GLRA3: variants seen among roughly 807,000 people sequenced by gnomAD.
The protein encoded by GLRA3 is glycine receptor subunit alpha-3.
In GLRA3, 44 loss-of-function variants were observed where a neutral mutation model predicts 60.4. The ratio of observed to expected loss-of-function variants is 0.73; its 90% CI spans 0.57 to 0.94. The LOEUF is 0.94. Among genes scored for constraint, GLRA3 ranks in the 40% least tolerant of loss-of-function variants. The pLI, the probability that GLRA3 is intolerant of heterozygous loss-of-function variation, is 0.00. For synonymous variants in GLRA3, 223 were observed against 192.9 expected (o/e 1.16, Z -1.29); for missense variants, 508 against 564.6 (o/e 0.90, Z 1.02).
At chr4:174,807,343 A>G (rs1579639830) in intron 1 of GLRA3, among the ~76,000 whole-genome samples, 1 of 152,112 alleles carries the variant, frequency 6.6e-6, no homozygotes. Context: ...TGCAGTGTTC[A>G]TTAAAGGACT....
chr4:174,644,432 T>C (rs12645805), intron 9 of GLRA3, among the ~76,000 whole-genome samples: 36,641 of 151,002 alleles, frequency 0.24, 5,394 homozygotes, highest in East Asian at 0.4. Context: ...TTTTTTTAAA[T>C]GGATAAATGT....
In GLRA3 at chr4:174,682,774, A is replaced by C. The variant is rs754562909; in HGVS notation, c.712+28T>G. 3 of 1,506,108 alleles carry C rather than the reference A, an allele frequency of 2.0e-6. No homozygotes were observed. The South Asian group carries it at 3.6e-5, about 18-fold the overall frequency. 93.3% of individuals were successfully genotyped at this position (1,506,108 alleles called of 1,614,324 possible). Reference sequence around the variant, plus strand: ...GGATATCATAAAACCACAAGTAGTAAGTGTAAAGAACACTACTCAACCCCT... The same window carrying C: ...GGATATCATAAAACCACAAGTAGTACGTGTAAAGAACACTACTCAACCCCT... On this transcript the variant is annotated intron_variant, in intron 6 of 9. Coordinates refer to ENST00000274093, the MANE Select transcript of GLRA3 (RefSeq NM_006529.4).
intron 7 of GLRA3, among the ~76,000 whole-genome samples, chr4:174,665,615 T>G (rs562486663): frequency 3.9e-5 from 6 of 152,274 alleles, no homozygotes; most frequent in African/African-American, 1.4e-4. Context: ...TATCCTAATA[T>G]GTTAACAAAA....
chr4:174,760,815 A>T (rs1038035403), intron 3 of GLRA3, among the ~76,000 whole-genome samples: 4 of 152,230 alleles, frequency 2.6e-5, no homozygotes, highest in Admixed American at 2.6e-4. Context: ...TGAAAACATT[A>T]GAAACAACCT....
intron 2 of GLRA3, among the ~76,000 whole-genome samples, chr4:174,786,731 A>C (rs763543382): frequency 4.6e-5 from 7 of 152,196 alleles, no homozygotes; most frequent in Non-Finnish European, 1.0e-4. Context: ...GTTAGCTAAA[A>C]ACTAATCCAT....
rs149751450 is a variant in GLRA3, at chr4:174,644,919, TAAC to T, written c.1117-858_1117-856del. Among the ~76,000 whole-genome samples the T allele has an allele frequency of 9.8e-3, 1,485 of 152,036 alleles. 17 individuals carry two copies. The highest frequency in any genetic ancestry group is 0.017 in the Middle Eastern group (5 of 294). On this transcript the variant is annotated intron_variant, in intron 9 of 9. Transcript: ENST00000274093. The stretch of plus-strand genomic sequence containing the variant: ...TACTTGAGAGAAATATAATATTTAA[TAAC>T]AATGCAAATTATTAATAATTTACTT...
rs1732531704 is a variant in GLRA3 at position 174,637,741 on chromosome 4, T to C, written c.*6045A>G. ...CTAGTTTTTTTAAATTCATATTACT[T>C]TGTAGAGTTTTATATAATATCTTCA... On this transcript the variant is annotated 3_prime_UTR_variant, in exon 10 of 10. Coordinates refer to ENST00000274093, the MANE Select transcript of GLRA3 (RefSeq NM_006529.4). 6.6e-6 allele frequency: 1 copy of C among 152,178 alleles called. No homozygotes were observed. Among genetic ancestry groups the C allele is most frequent in the African/African-American group, 2.4e-5 (1 of 41,458 alleles). 9.4% of individuals were successfully genotyped at this position (152,178 alleles called of 1,614,324 possible).
intron 9 of GLRA3, 69 bp from the exon 10 acceptor site, chr4:174,644,133 T>C: frequency 2.4e-6 from 2 of 839,828 alleles, no homozygotes; most frequent in East Asian, 2.4e-5. Context: ...CATCTCAGAA[T>C]CATAACCAAT....
chr4:174,728,761 A>G, intron 3 of GLRA3, 63 bp from the exon 4 acceptor site: 1 of 1,037,564 alleles, frequency 9.6e-7, no homozygotes, highest in South Asian at 1.5e-5. Flanking sequence ...TAAAATCCAT[A>G]GTGTCAGTGT....
intron 2 of GLRA3, among the ~76,000 whole-genome samples, chr4:174,786,593 G>A (rs1392848951): frequency 6.6e-6 from 1 of 152,148 alleles, no homozygotes; most frequent in Non-Finnish European, 1.5e-5. Flanking sequence ...ATGGTCAAAA[G>A]ATGATGATGT....
intron 5 of GLRA3, among the ~76,000 whole-genome samples, chr4:174,701,864 G>GTT (rs1313361175): frequency 6.6e-6 from 1 of 152,198 alleles, no homozygotes; most frequent in Admixed American, 6.5e-5. Flanking sequence ...ACAATCTCAT[G>GTT]ATCAAACTTG....
chr4:174,755,697 G>T (rs962876761), intron 3 of GLRA3, among the ~76,000 whole-genome samples: 2 of 151,918 alleles, frequency 1.3e-5, no homozygotes, highest in African/African-American at 4.8e-5. Flanking sequence ...AATATAAAGA[G>T]ATATTATAGA....
At chr4:174,800,853 T>TTTG (rs764669585) in intron 1 of GLRA3, among the ~76,000 whole-genome samples, 29 of 152,130 alleles carry the variant, frequency 1.9e-4, no homozygotes, top group Non-Finnish European at 3.2e-4. Flanking sequence ...CTGCCATTTG[T>TTTG]TTGTTGTTGT....
chr4:174,658,861 G>C (rs1048925515), intron 8 of GLRA3, among the ~76,000 whole-genome samples, 193 bp downstream of exon 8: 1 of 152,158 alleles, frequency 6.6e-6, no homozygotes, highest in Non-Finnish European at 1.5e-5. Flanking sequence ...GTTTAAAGTA[G>C]AGCTAGGTGT....
In GLRA3 at chr4:174,715,508, C is replaced by T. The variant is rs1403000129; in HGVS notation, c.554G>A (p.Cys185Tyr). The T allele has an allele frequency of 1.3e-6, 2 of 1,540,472 alleles. No individual in the cohort carries two copies. ...LKNFPMDVQTCIMQLESFGYT... is the reference protein window; with the variant it reads ...LKNFPMDVQTYIMQLESFGYT... ...CTTACAGCTTTCCAGTTGCATTATA[C>T]ATGTTTGTACATCCATGGGAAAATT... The change falls in exon 5 of 10, where the codon TGT (cysteine) becomes TAT (tyrosine). Residue 185 changes from cysteine to tyrosine, a missense_variant. Cys to Tyr is a radical substitution (Grantham distance 194). Transcript: ENST00000274093.
intron 2 of GLRA3, among the ~76,000 whole-genome samples, chr4:174,783,323 A>G (rs1248937560): frequency 7.2e-6 from 1 of 138,476 alleles, no homozygotes; most frequent in Non-Finnish European, 1.6e-5. Context: ...TCAATTCAGG[A>G]TGGATTAAAG....
At chr4:174,805,767 A>C (rs1203184640) in intron 1 of GLRA3, among the ~76,000 whole-genome samples, 2 of 152,170 alleles carry the variant, frequency 1.3e-5, no homozygotes. Context: ...AACTCAGTAA[A>C]TTTTCAATAA....
chr4:174,796,959 A>G (rs1435434054), intron 1 of GLRA3, among the ~76,000 whole-genome samples: 2 of 152,196 alleles, frequency 1.3e-5, no homozygotes, highest in African/African-American at 2.4e-5. Context: ...GCCTTGTACC[A>G]TGTGAACATT....
At chr4:174,746,483 C>T (rs1170469312) in intron 3 of GLRA3, among the ~76,000 whole-genome samples, 1 of 151,966 alleles carries the variant, frequency 6.6e-6, no homozygotes, top group African/African-American at 2.4e-5. Flanking sequence ...TGATAGATAC[C>T]AGGGACTGGG....
Sources: allele counts gnomAD v4.1 joint callset (sites outside exome capture counted in the v4.1 genomes callset), GRCh38; gene constraint gnomAD v4.1.1; transcripts MANE v1.5; gene names NCBI Gene and HGNC (gene_info 2026-07-23, HGNC 2026-07-21).